The following DLGAP2 variants were observed in gnomAD, a reference collection of about 807,000 sequenced individuals.
DLGAP2 encodes disks large-associated protein 2.
Under a neutral mutation model 100.3 loss-of-function variants are expected in DLGAP2, and 26 were observed. The observed-to-expected ratio is 0.26, with a 90% CI of 0.19 to 0.36. The LOEUF (loss-of-function observed/expected upper bound fraction) is 0.36. Ranked by LOEUF, DLGAP2 falls within the 10% of genes least tolerant of loss-of-function variation. DLGAP2 has a pLI of 1.00. For synonymous variants in DLGAP2, 886 were observed against 630.1 expected (o/e 1.41, Z -6.08); for missense variants, 1,858 against 1,453.2 (o/e 1.28, Z -4.53).
chr8:1,655,099 A>T (rs760876963), intron 8 of DLGAP2, among the ~76,000 whole-genome samples: 13 of 152,240 alleles, frequency 8.5e-5, no homozygotes, highest in African/African-American at 1.2e-4. Context: ...TTCAAAATAG[A>T]CATCTTTGCT....
At position 774,780 on chromosome 8, in the gene DLGAP2, T is replaced by C. The variant is rs375382889; in HGVS notation, c.18+36955T>C. Among the ~76,000 whole-genome samples, 16 of 148,640 alleles carry C rather than the reference T, an allele frequency of 1.1e-4. No homozygotes were observed. The East Asian group carries it at 2.0e-3, about 18-fold the overall frequency. On this transcript the variant is annotated intron_variant, in intron 1 of 14. Coordinates refer to ENST00000637795, the MANE Select transcript of DLGAP2 (RefSeq NM_001346810.2). ...TGTAGTATAGTTTGAAGTCAGGTAG[T>C]GTGATGCCTCCAGCTTTGTTCTTTT...
chr8:1,134,777 G>A (rs377378504), intron 2 of DLGAP2, among the ~76,000 whole-genome samples: 8 of 152,216 alleles, frequency 5.3e-5, no homozygotes, highest in African/African-American at 1.4e-4. Context: ...GGCGGCAGGC[G>A]AGGGAGAGCA....
At chr8:1,579,276 G>C (rs796697822) in intron 6 of DLGAP2, among the ~76,000 whole-genome samples, 19 of 152,160 alleles carry the variant, frequency 1.2e-4, no homozygotes, top group African/African-American at 4.6e-4. Flanking sequence ...GATAAATTCT[G>C]ATGGATTAAA....
At chr8:873,260 A>G (rs28612666) in intron 1 of DLGAP2, among the ~76,000 whole-genome samples, 17 of 151,922 alleles carry the variant, frequency 1.1e-4, no homozygotes, top group Admixed American at 2.6e-4. Context: ...TTTGTATATG[A>G]TATCATGCCA....
intron 2 of DLGAP2, among the ~76,000 whole-genome samples, chr8:946,112 A>G (rs1799312743): frequency 6.6e-6 from 1 of 151,918 alleles, no homozygotes. Context: ...CTGTGATTGC[A>G]GGAAGGCTCT....
At chr8:913,746 G>C (rs1470915214) in intron 2 of DLGAP2, among the ~76,000 whole-genome samples, 2 of 152,218 alleles carry the variant, frequency 1.3e-5, no homozygotes, top group Non-Finnish European at 2.9e-5. Context: ...CTGTGCCTCA[G>C]ATACAGGTTT....
At chr8:766,914 G>A (rs369634551) in intron 1 of DLGAP2, among the ~76,000 whole-genome samples, 3 of 152,078 alleles carry the variant, frequency 2.0e-5, no homozygotes, top group South Asian at 2.1e-4. Flanking sequence ...GTGAAGACCC[G>A]GGTGGGCAAC....
intron 2 of DLGAP2, among the ~76,000 whole-genome samples, chr8:916,420 G>C (rs567609493): frequency 6.6e-6 from 1 of 152,264 alleles, no homozygotes; most frequent in East Asian, 1.9e-4. Context: ...AGCAACTATT[G>C]CAAGGACAAA....
At chr8:1,506,444 T>G (rs931811982) in intron 4 of DLGAP2, among the ~76,000 whole-genome samples, 7 of 152,326 alleles carry the variant, frequency 4.6e-5, no homozygotes, top group African/African-American at 1.7e-4. Flanking sequence ...TTCTTCCTTC[T>G]GGTCGGTTTG....
rs1232130737 is a variant in DLGAP2 at position 1,548,689 on chromosome 8, G to A, written c.236G>A (p.Arg79Lys). 1.9e-6 allele frequency: 3 copies of A among 1,605,640 alleles called. No individual in the cohort carries two copies. Among genetic ancestry groups the A allele is most frequent in the Non-Finnish European group, 2.5e-6 (3 of 1,177,272 alleles). Reference sequence around the variant, plus strand: ...GAGGAGCGCTACTCGCCCGCGCCCAGGAGCATGAAGGGCCTTTCCGGAAGT... The same window carrying A: ...GAGGAGCGCTACTCGCCCGCGCCCAAGAGCATGAAGGGCCTTTCCGGAAGT... The part of the protein sequence containing the change: ...FNEERYSPAP[R>K]SMKGLSGSRT... The change falls in exon 5 of 15, where the codon AGG becomes AAG. Residue 79 changes from arginine (R) to lysine (K), a missense_variant. Coordinates refer to ENST00000637795, the MANE Select transcript of DLGAP2 (RefSeq NM_001346810.2).
At chr8:1,072,176 T>C (rs1803453011) in intron 2 of DLGAP2, among the ~76,000 whole-genome samples, 2 of 152,090 alleles carry the variant, frequency 1.3e-5, no homozygotes, top group African/African-American at 4.8e-5. Context: ...GAAAAGTTGG[T>C]GACATCGAGA....
intron 2 of DLGAP2, among the ~76,000 whole-genome samples, chr8:1,117,177 G>A (rs769171092): frequency 5.4e-5 from 7 of 130,484 alleles, no homozygotes; most frequent in South Asian, 2.5e-4. Context: ...ACCCAACACC[G>A]TCTGTTTGAC....
chr8:1,070,416 A>G (rs777664608), intron 2 of DLGAP2, among the ~76,000 whole-genome samples: 4 of 152,146 alleles, frequency 2.6e-5, no homozygotes, highest in Non-Finnish European at 4.4e-5. Context: ...TGTGGATTTC[A>G]CAAACAGTTT....
At chr8:1,101,050 G>A (rs1175904083) in intron 2 of DLGAP2, among the ~76,000 whole-genome samples, 1 of 152,128 alleles carries the variant, frequency 6.6e-6, no homozygotes, top group African/African-American at 2.4e-5. Context: ...GGGGTTCCTG[G>A]CGTTCACAAG....
rs113377278 is a variant in DLGAP2 at position 1,407,245 on chromosome 8, G to T, written c.107-94121G>T. 2.2e-3 allele frequency among the ~76,000 whole-genome samples: 20 copies of T among 9,024 alleles called. 1 individual carries two copies. Among genetic ancestry groups the T allele is most frequent in the Non-Finnish European group, 2.4e-3 (14 of 5,928 alleles). 5.9% of individuals were successfully genotyped at this position (9,024 alleles called of 152,430 possible). Reference sequence around the variant, plus strand: ...ACTGAGCGCCACCTCCTTGTCCTCCGGAGTCGTGTATTGAGTGCTTACTGA... The same window carrying T: ...ACTGAGCGCCACCTCCTTGTCCTCCTGAGTCGTGTATTGAGTGCTTACTGA... On this transcript the variant is annotated intron_variant, in intron 3 of 14. Transcript: ENST00000637795.
chr8:941,580 G>GA (rs934753815), intron 2 of DLGAP2, among the ~76,000 whole-genome samples: 1 of 152,104 alleles, frequency 6.6e-6, no homozygotes, highest in African/African-American at 2.4e-5. Context: ...GGCGCTATTG[G>GA]AAAAAATAAC....
chr8:755,142 C>CA (rs1366505768), intron 1 of DLGAP2, among the ~76,000 whole-genome samples: 2 of 152,084 alleles, frequency 1.3e-5, no homozygotes, highest in Non-Finnish European at 1.5e-5. Context: ...TTTGTAAATA[C>CA]AGAGGACAGT....
chr8:1,338,826 G>T (rs79682952), intron 3 of DLGAP2, among the ~76,000 whole-genome samples: 24,946 of 60,746 alleles, frequency 0.41, 7,620 homozygotes, highest in African/African-American at 0.76. Flanking sequence ...GTGACCTAAG[G>T]GAAGTGTCAG....
At chr8:1,315,227 G>C (rs191721925) in intron 3 of DLGAP2, among the ~76,000 whole-genome samples, 27 of 152,316 alleles carry the variant, frequency 1.8e-4, no homozygotes, top group African/African-American at 5.5e-4. Context: ...GCGTGTGCAA[G>C]TACAGTGTCT....
Sources: allele counts gnomAD v4.1 joint callset (sites outside exome capture counted in the v4.1 genomes callset), GRCh38; gene constraint gnomAD v4.1.1; transcripts MANE v1.5; gene names NCBI Gene and HGNC (gene_info 2026-07-23, HGNC 2026-07-21).